The following NTM variants were observed in gnomAD, a reference collection of about 807,000 sequenced individuals.
The protein encoded by NTM is neurotrimin.
NTM carries 13 observed loss-of-function variants against 42.1 expected under a neutral mutation model. The ratio of observed to expected loss-of-function variants is 0.31; its 90% CI spans 0.20 to 0.49. The LOEUF (loss-of-function observed/expected upper bound fraction) is 0.49. Ranked by LOEUF, NTM falls within the 20% of genes least tolerant of loss-of-function variation. NTM has a pLI of 0.99. For missense variants in NTM, 373 were observed against 452.8 expected (o/e 0.82, Z 1.60); for synonymous variants, 187 against 179.2 (o/e 1.04, Z -0.35).
chr11:132,067,751 A>C (rs1294158412), intron 2 of NTM, among the ~76,000 whole-genome samples: 1 of 152,230 alleles, frequency 6.6e-6, no homozygotes, highest in Non-Finnish European at 1.5e-5. Context: ...CTGGCCTTGC[A>C]ATTCTGGGCT....
chr11:132,278,323 A>T (rs2093815485), intron 4 of NTM, among the ~76,000 whole-genome samples: 2 of 152,162 alleles, frequency 1.3e-5, no homozygotes, highest in South Asian at 4.1e-4. Context: ...CTGTTCCATG[A>T]TGTCTGTGGG....
intron 4 of NTM, among the ~76,000 whole-genome samples, chr11:132,271,585 A>C (rs1429413463): frequency 6.6e-6 from 1 of 152,126 alleles, no homozygotes; most frequent in African/African-American, 2.4e-5. Context: ...TATTATAGCC[A>C]TCCTAGTGGG....
Position 131,445,057 on chromosome 11 carries a change from TG to T in NTM, c.82+74171del, listed in dbSNP as rs551295075. Among the ~76,000 whole-genome samples the T allele has an allele frequency of 2.7e-3, 411 of 152,344 alleles. 2 individuals carry two copies. Among genetic ancestry groups the T allele is most frequent in the African/African-American group, 8.3e-3 (346 of 41,582 alleles). ...AATACCAAGAAGTCAGCAGCAATAT[TG>T]GAATTTCACATCAATTATTAATCTA... On this transcript the variant is annotated intron_variant, in intron 1 of 8. Transcript: ENST00000683400.
chr11:132,318,648 G>A lies in NTM; in HGVS notation c.934+3945G>A, dbSNP rs544109660. ...CAAGCAGTGGAATAAAATGGGTGCCGCGTGCACTGCTGTCACCCTGAGGAC... is the reference window on the plus strand; with the variant it reads ...CAAGCAGTGGAATAAAATGGGTGCCACGTGCACTGCTGTCACCCTGAGGAC... On this transcript the variant is annotated intron_variant, in intron 7 of 8. Transcript: ENST00000683400. 1.4e-3 allele frequency among the ~76,000 whole-genome samples: 212 copies of A among 152,298 alleles called. 1 individual carries two copies. Among genetic ancestry groups the A allele is most frequent in the Non-Finnish European group, 2.2e-3 (150 of 68,032 alleles).
intron 1 of NTM, among the ~76,000 whole-genome samples, chr11:131,572,655 C>T (rs1047243729): frequency 2.6e-5 from 4 of 152,130 alleles, no homozygotes; most frequent in Admixed American, 2.0e-4. Flanking sequence ...AGACAAACAA[C>T]GCGAGCAGCT....
intron 4 of NTM, among the ~76,000 whole-genome samples, chr11:132,252,894 A>T (rs2092110786): frequency 6.6e-6 from 1 of 152,240 alleles, no homozygotes; most frequent in South Asian, 2.1e-4. Flanking sequence ...TCCATAGGAT[A>T]TAAGAACTTA....
At chr11:131,851,713 T>A (rs980724425) in intron 1 of NTM, among the ~76,000 whole-genome samples, 11 of 152,158 alleles carry the variant, frequency 7.2e-5, no homozygotes, top group Admixed American at 2.6e-4. Context: ...ATTCTGTCAT[T>A]CTGTCCTACC....
In NTM at chr11:132,276,930, A is replaced by C. The variant is rs979655783; in HGVS notation, c.527-30759A>C. On this transcript the variant is annotated intron_variant, in intron 4 of 8. Coordinates refer to ENST00000683400, the MANE Select transcript of NTM (RefSeq NM_001352005.2). The stretch of plus-strand genomic sequence containing the variant: ...AGGGGTGGTCTTAGGGACTCCTGAC[A>C]GATAGTTGGCTTATTCTATTCCACT... Among the ~76,000 whole-genome samples the C allele has an allele frequency of 2.0e-5, 3 of 152,216 alleles. No homozygotes were observed. In the East Asian group the frequency reaches 5.8e-4, roughly 29 times the overall value.
At chr11:131,819,224 T>C (rs901039235) in intron 1 of NTM, among the ~76,000 whole-genome samples, 8 of 152,122 alleles carry the variant, frequency 5.3e-5, no homozygotes, top group African/African-American at 1.7e-4. Context: ...GGAGACCTTG[T>C]AGTTCAAAGC....
At chr11:131,889,368 A>C (rs1014705670) in intron 1 of NTM, among the ~76,000 whole-genome samples, 6 of 152,158 alleles carry the variant, frequency 3.9e-5, no homozygotes, top group Non-Finnish European at 8.8e-5. Context: ...TCTGATGGCC[A>C]CACCCCAGCC....
intron 1 of NTM, among the ~76,000 whole-genome samples, chr11:131,816,388 A>T (rs11824365): frequency 0.025 from 3,839 of 152,178 alleles, 155 homozygotes; most frequent in African/African-American, 0.085. Flanking sequence ...GTAGTTTTTT[A>T]AAAGCCGTGG....
intron 2 of NTM, among the ~76,000 whole-genome samples, chr11:131,987,736 C>G (rs986645902): frequency 6.6e-6 from 1 of 152,158 alleles, no homozygotes; most frequent in Non-Finnish European, 1.5e-5. Flanking sequence ...TCCAAATGCT[C>G]TGTATTTTAT....
intron 2 of NTM, among the ~76,000 whole-genome samples, chr11:132,016,364 T>G (rs2135476218): frequency 6.6e-6 from 1 of 152,096 alleles, no homozygotes; most frequent in South Asian, 2.1e-4. Context: ...AACCCCAGCC[T>G]TAGGCAACCA....
chr11:131,454,710 C>T (rs778299805), intron 1 of NTM, among the ~76,000 whole-genome samples: 30 of 151,732 alleles, frequency 2.0e-4, no homozygotes, highest in South Asian at 4.2e-4. Flanking sequence ...GGGAGAGGGG[C>T]GGGAGCAGTG....
chr11:131,866,153 C>T (rs1940587), intron 1 of NTM, among the ~76,000 whole-genome samples: 6,322 of 149,948 alleles, frequency 0.042, 445 homozygotes, highest in African/African-American at 0.14. Context: ...CGCACACACA[C>T]GGTGCACACA....
At chr11:131,961,356 A>G (rs368872630) in intron 2 of NTM, among the ~76,000 whole-genome samples, 14 of 152,302 alleles carry the variant, frequency 9.2e-5, no homozygotes, top group African/African-American at 3.1e-4. Context: ...AAAGAGACAG[A>G]AATCTTTCTG....
chr11:131,572,728 T>C (rs1343333993), intron 1 of NTM, among the ~76,000 whole-genome samples: 2 of 152,114 alleles, frequency 1.3e-5, no homozygotes, highest in Non-Finnish European at 1.5e-5. Context: ...AAAGAGGCTA[T>C]TAAGGTGTGG....
chr11:131,465,099 A>T (rs1951765148), intron 1 of NTM, among the ~76,000 whole-genome samples: 1 of 152,182 alleles, frequency 6.6e-6, no homozygotes, highest in Non-Finnish European at 1.5e-5. Flanking sequence ...CCCCAGAATG[A>T]TTTATATTTG....
chr11:131,969,968 A>G (rs2063329234), intron 2 of NTM, among the ~76,000 whole-genome samples: 1 of 152,088 alleles, frequency 6.6e-6, no homozygotes, highest in African/African-American at 2.4e-5. Context: ...AGTGCGCAGC[A>G]CCATGCCTGG....
Sources: gnomAD v4.1 joint callset for allele counts (sites outside exome capture counted in the v4.1 genomes callset) on GRCh38, gnomAD v4.1.1 for gene constraint, MANE v1.5 for transcripts, NCBI Gene and HGNC (gene_info 2026-07-23, HGNC 2026-07-21) for gene names.